The following AKAP12 variants were observed in gnomAD, a reference collection of about 807,000 sequenced individuals.
The protein encoded by AKAP12 is A-kinase anchor protein 12.
Under a neutral mutation model 79.9 loss-of-function variants are expected in AKAP12, and 32 were observed. The observed-to-expected ratio is 0.40, with a 90% CI of 0.30 to 0.54. The LOEUF (loss-of-function observed/expected upper bound fraction) is 0.54. Ranked by LOEUF, AKAP12 falls within the 20% of genes least tolerant of loss-of-function variation. The pLI is 0.48. For synonymous variants in AKAP12, 808 were observed against 857.0 expected (o/e 0.94, Z 1.00); for missense variants, 2,074 against 2,177.0 (o/e 0.95, Z 0.94).
At chr6:151,334,877 C>A (rs1777773349) in intron 3 of AKAP12, among the ~76,000 whole-genome samples, 1 of 152,100 alleles carries the variant, frequency 6.6e-6, no homozygotes, top group South Asian at 2.1e-4. Context: ...CCCGCCTCGG[C>A]CTCCTAGAGT....
chr6:151,270,535 C>T lies in AKAP12; in HGVS notation c.162+29811C>T, dbSNP rs182505428. On this transcript the variant is annotated intron_variant, in intron 2 of 4. Coordinates refer to ENST00000402676, the MANE Select transcript of AKAP12 (RefSeq NM_005100.4). ...TGCCTGAACGTAAATGTTTTCATTT[C>T]TCTTGGGTATTTATCTAGAAATGAA... Among the ~76,000 whole-genome samples, 1,297 of 152,304 alleles carry T rather than the reference C, an allele frequency of 8.5e-3. 10 individuals are homozygous for T. Among genetic ancestry groups the T allele is most frequent in the Middle Eastern group, 0.014 (4 of 294 alleles).
At chr6:151,259,345 C>G (rs1183221643) in intron 2 of AKAP12, among the ~76,000 whole-genome samples, 1 of 150,990 alleles carries the variant, frequency 6.6e-6, no homozygotes, top group Non-Finnish European at 1.5e-5. Context: ...GGCGCCCGGC[C>G]TATATTTTTT....
At chr6:151,312,957 A>T (rs6930095) in intron 3 of AKAP12, among the ~76,000 whole-genome samples, 77,874 of 152,020 alleles carry the variant, frequency 0.51, 21,746 homozygotes, top group East Asian at 0.85. Context: ...CAGCAAATAT[A>T]TGAATAAATG....
chr6:151,241,953 A>G (rs1486117744), intron 2 of AKAP12, among the ~76,000 whole-genome samples: 4 of 152,022 alleles, frequency 2.6e-5, no homozygotes, highest in Admixed American at 2.6e-4. Flanking sequence ...TCTTTGATTC[A>G]TAACTACTTG....
At chr6:151,248,562 A>C (rs567985742) in intron 2 of AKAP12, among the ~76,000 whole-genome samples, 1 of 152,284 alleles carries the variant, frequency 6.6e-6, no homozygotes, top group East Asian at 1.9e-4. Context: ...TTTCACTGAG[A>C]TTGGAACTTG....
chr6:151,264,112 G>A (rs1271606605), intron 2 of AKAP12, among the ~76,000 whole-genome samples: 1 of 152,068 alleles, frequency 6.6e-6, no homozygotes, highest in Non-Finnish European at 1.5e-5. Flanking sequence ...ATGCAGAAGG[G>A]ATTGAATAAA....
Position 151,312,339 on chromosome 6 carries a change from G to T in AKAP12, c.319+6436G>T, listed in dbSNP as rs185047576. ...TTTAAAAAAATTAGCTGGACGTGGT[G>T]GTGCACGCCTGTATTCCTAGTTGCT... On this transcript the variant is annotated intron_variant, in intron 3 of 4. Coordinates refer to ENST00000402676, the MANE Select transcript of AKAP12 (RefSeq NM_005100.4). Among the ~76,000 whole-genome samples the T allele has an allele frequency of 1.3e-3, 200 of 152,038 alleles. 1 individual carries two copies. The highest frequency in any genetic ancestry group is 4.5e-3 in the African/African-American group (185 of 41,432).
intron 2 of AKAP12, among the ~76,000 whole-genome samples, chr6:151,289,269 C>G (rs1776566804): frequency 6.6e-6 from 1 of 152,216 alleles, no homozygotes; most frequent in Non-Finnish European, 1.5e-5. Context: ...ATACTCTCCA[C>G]CCCTAATGTT....
chr6:151,271,365 A>G (rs1430984575), intron 2 of AKAP12, among the ~76,000 whole-genome samples: 1 of 145,494 alleles, frequency 6.9e-6, no homozygotes, highest in Non-Finnish European at 1.5e-5. Context: ...TCTGTCGCCC[A>G]GGCTACAGTA....
At chr6:151,314,495 T>TC (rs1302106019) in intron 3 of AKAP12, among the ~76,000 whole-genome samples, 2 of 152,206 alleles carry the variant, frequency 1.3e-5, no homozygotes, top group East Asian at 3.9e-4. Flanking sequence ...CATCCTCTCA[T>TC]CCCCCCATAT....
At chr6:151,242,984 C>T (rs1056130187) in intron 2 of AKAP12, among the ~76,000 whole-genome samples, 2 of 152,158 alleles carry the variant, frequency 1.3e-5, no homozygotes, top group Admixed American at 6.5e-5. Flanking sequence ...TTCATTATCA[C>T]GTGAGACTGA....
At chr6:151,314,377 TAAAC>T (rs1182546624) in intron 3 of AKAP12, among the ~76,000 whole-genome samples, 2 of 152,164 alleles carry the variant, frequency 1.3e-5, no homozygotes, top group East Asian at 1.9e-4. Context: ...TTAATTTAAT[TAAAC>T]AAAAAGTTCA....
At chr6:151,344,360 C>G (rs1452373280) in intron 3 of AKAP12, among the ~76,000 whole-genome samples, 4 of 150,640 alleles carry the variant, frequency 2.7e-5, no homozygotes, top group Non-Finnish European at 4.4e-5. Context: ...AATAAGAGGC[C>G]CAGATAACCT....
chr6:151,244,246 C>G (rs6916277), intron 2 of AKAP12, among the ~76,000 whole-genome samples: 56,690 of 152,036 alleles, frequency 0.37, 10,899 homozygotes, highest in Admixed American at 0.42. Context: ...GACAATTGGC[C>G]GGGTGCGGTG....
rs1029699133 is a variant in AKAP12, at chr6:151,322,365, C to A, written c.319+16462C>A. On this transcript the variant is annotated intron_variant, in intron 3 of 4. Transcript: ENST00000402676. ...GAAATGGCTACTCAGATTCTTTGCT[C>A]ACTTTTAATGGATAATTTGTTACAA... Among the ~76,000 whole-genome samples the A allele has an allele frequency of 3.9e-5, 6 of 152,252 alleles. No homozygotes were observed. In the East Asian group the frequency reaches 1.2e-3, roughly 29 times the overall value.
chr6:151,305,263 C>T (rs1371739018), intron 2 of AKAP12, among the ~76,000 whole-genome samples: 8 of 151,936 alleles, frequency 5.3e-5, no homozygotes, highest in Admixed American at 5.2e-4. Context: ...TGACAGTTTC[C>T]ACAGCTGCAG....
chr6:151,334,745 C>G (rs1777768962), intron 3 of AKAP12, among the ~76,000 whole-genome samples: 1 of 151,662 alleles, frequency 6.6e-6, no homozygotes, highest in Non-Finnish European at 1.5e-5. Context: ...CCTCAGCCTC[C>G]CGAGTAGCTG....
At chr6:151,323,769 T>C (rs751195465) in intron 3 of AKAP12, 1 of 985,402 alleles carries the variant, frequency 1.0e-6, no homozygotes, top group Non-Finnish European at 1.2e-6. Context: ...GAATTTGGAC[T>C]GATAGAAAGG....
At chr6:151,262,514 T>G (rs1201159416) in intron 2 of AKAP12, among the ~76,000 whole-genome samples, 1 of 152,104 alleles carries the variant, frequency 6.6e-6, no homozygotes, top group Non-Finnish European at 1.5e-5. Flanking sequence ...TGGCTCTAAA[T>G]TTATCCCATT....
Sources: gnomAD v4.1 joint callset for allele counts (sites outside exome capture counted in the v4.1 genomes callset) on GRCh38, gnomAD v4.1.1 for gene constraint, MANE v1.5 for transcripts, NCBI Gene and HGNC (gene_info 2026-07-23, HGNC 2026-07-21) for gene names.